The following GSTA4 variants were observed in gnomAD, a reference collection of about 807,000 sequenced individuals.
The protein encoded by GSTA4 is glutathione S-transferase A4.
In GSTA4, 15 loss-of-function variants were observed where a neutral mutation model predicts 24.4. That is an observed-to-expected ratio of 0.61 (90% CI 0.41 to 0.95). The LOEUF (loss-of-function observed/expected upper bound fraction) is 0.95, where lower values mean the gene tolerates loss of function less well. Among genes scored for constraint, GSTA4 ranks in the 40% least tolerant of loss-of-function variants. The pLI is 0.00. For synonymous variants in GSTA4, 92 were observed against 94.2 expected, an observed-to-expected ratio of 0.98 and a Z score of 0.13; for missense variants, 244 against 262.1, an observed-to-expected ratio of 0.93 and a Z score of 0.48.
intron 6 of GSTA4, among the ~76,000 whole-genome samples, chr6:52,981,026 T>A (rs1763442726): frequency 6.6e-6 from 1 of 151,946 alleles, no homozygotes; most frequent in South Asian, 2.1e-4. Flanking sequence ...AAAGAATACT[T>A]CAGGTGAAAA....
intron 3 of GSTA4, among the ~76,000 whole-genome samples, chr6:52,985,875 A>G (rs952240451): frequency 3.3e-5 from 5 of 151,926 alleles, no homozygotes; most frequent in Non-Finnish European, 5.9e-5. Context: ...ACATAGTGAA[A>G]CCCCGCCTCT....
At chr6:52,994,434 G>T in intron 1 of GSTA4, 173 bp from the exon 2 acceptor site, 1 of 547,360 alleles carries the variant, frequency 1.8e-6, no homozygotes, top group Non-Finnish European at 3.3e-6. Context: ...TTTAAAACAT[G>T]GAGAAAAAAA....
chr6:52,987,241 T>A (rs778902704), intron 3 of GSTA4, 116 bp downstream of exon 3: 4 of 684,740 alleles, frequency 5.8e-6, no homozygotes, highest in Non-Finnish European at 1.0e-5. Context: ...CTTTTTTTGG[T>A]TTTAGGATAC....
chr6:52,978,566 G>A lies in GSTA4; in HGVS notation c.573C>T (p.Ile191=). Residue 191 remains isoleucine, a synonymous_variant, in exon 7 of 7, where the codon ATC becomes ATT. Coordinates refer to ENST00000370963, the MANE Select transcript of GSTA4 (RefSeq NM_001512.4). ...GTTCAAGGAATCTCTTAATTGTAGG[G>A]ATATTACTTAGTTTCACTGTGTATT... is the stretch of plus-strand genomic sequence containing the variant. ...LQEYTVKLSN[I]PTIKRFLEPG... The A allele has an allele frequency of 6.2e-7, 1 of 1,610,658 alleles. No homozygotes were observed. Among genetic ancestry groups the A allele is most frequent in the Non-Finnish European group, 8.5e-7 (1 of 1,177,650 alleles).
At chr6:52,978,664 A>G (rs751667844) in intron 6 of GSTA4, 72 bp from the exon 7 acceptor site, 36 of 1,109,990 alleles carry the variant, frequency 3.2e-5, no homozygotes, top group Non-Finnish European at 4.4e-5. Context: ...TGGTTATGCA[A>G]AATGGCCCAC....
rs374703392 is a variant in GSTA4 at position 52,980,107 on chromosome 6, G to C, written c.547-1515C>G. Among the ~76,000 whole-genome samples, 59 of 152,220 alleles carry C rather than the reference G, an allele frequency of 3.9e-4. 2 individuals carry two copies. The South Asian group carries it at 0.012, about 30-fold the overall frequency. ...AGATAATGCTTGGGGCTTAAAAAAGGGTTGTTATTATAGTATCATCAATGT... is the reference window on the plus strand; with the variant it reads ...AGATAATGCTTGGGGCTTAAAAAAGCGTTGTTATTATAGTATCATCAATGT... On this transcript the variant is annotated intron_variant, in intron 6 of 6. Transcript: ENST00000370963.
chr6:52,978,671 C>T, intron 6 of GSTA4, 79 bp from the exon 7 acceptor site: 1 of 1,028,706 alleles, frequency 9.7e-7, no homozygotes, highest in African/African-American at 1.6e-5. Flanking sequence ...GCAAAATGGC[C>T]CACCAAAATT....
chr6:52,978,839 T>C (rs1039692585), intron 6 of GSTA4, among the ~76,000 whole-genome samples: 9 of 152,060 alleles, frequency 5.9e-5, no homozygotes, highest in Non-Finnish European at 1.2e-4. Flanking sequence ...AAATATCTCA[T>C]AATGTTATAA....
At chr6:52,983,479 G>A (rs1763492359) in intron 5 of GSTA4, among the ~76,000 whole-genome samples, 1 of 152,216 alleles carries the variant, frequency 6.6e-6, no homozygotes, top group African/African-American at 2.4e-5. Context: ...TGGAGCCAGA[G>A]TGGCATAGTA....
At chr6:52,990,586 T>A (rs1288610601) in intron 2 of GSTA4, among the ~76,000 whole-genome samples, 1 of 152,204 alleles carries the variant, frequency 6.6e-6, no homozygotes, top group Admixed American at 6.5e-5. Context: ...TTTGTTTAAC[T>A]TATTTAGGGT....
intron 2 of GSTA4, among the ~76,000 whole-genome samples, chr6:52,993,127 A>C (rs1157869111): frequency 6.6e-6 from 1 of 152,226 alleles, no homozygotes; most frequent in Non-Finnish European, 1.5e-5. Flanking sequence ...CATTAGTAGA[A>C]AAAACAGTGA....
At chr6:52,983,118 T>A (rs1316587822) in intron 5 of GSTA4, among the ~76,000 whole-genome samples, 1 of 152,064 alleles carries the variant, frequency 6.6e-6, no homozygotes, top group Non-Finnish European at 1.5e-5. Context: ...ATTTAAGAAA[T>A]CTAAGTGATA....
chr6:52,979,374 C>T (rs1377321375), intron 6 of GSTA4, among the ~76,000 whole-genome samples: 1 of 152,228 alleles, frequency 6.6e-6, no homozygotes, highest in Non-Finnish European at 1.5e-5. Flanking sequence ...AGAGTTTTTA[C>T]TCCTATCAGT....
chr6:52,978,502 CAT>C lies in GSTA4; in HGVS notation c.635_636del (p.Tyr212CysfsTer9). Reference protein sequence around the residue: ...SKKKPPPDEIYVRTVYNIFRP With the variant: ...SKKKPPPDEIXVRTVYNIFRP ...CTAAAGATGTTGTAGACGGTTCTCA[CAT>C]AAATTTCATCAGGGGGAGGCTTCTT... On this transcript the variant is annotated frameshift_variant, in exon 7 of 7. Coordinates refer to ENST00000370963, the MANE Select transcript of GSTA4 (RefSeq NM_001512.4). LOFTEE classifies it high-confidence loss of function. 6.2e-7 allele frequency: 1 copy of C among 1,613,664 alleles called. No homozygotes were observed.
chr6:52,992,826 C>T (rs1184648574), intron 2 of GSTA4, among the ~76,000 whole-genome samples: 1 of 152,142 alleles, frequency 6.6e-6, no homozygotes, highest in Non-Finnish European at 1.5e-5. Context: ...AAGGGCCGGG[C>T]GTGGTGGTTC....
chr6:52,994,725 G>A (rs1334853572), intron 1 of GSTA4, among the ~76,000 whole-genome samples: 1 of 152,190 alleles, frequency 6.6e-6, no homozygotes, highest in Non-Finnish European at 1.5e-5. Context: ...CACGGCAACT[G>A]GAAGGTGAAC....
intron 6 of GSTA4, among the ~76,000 whole-genome samples, chr6:52,981,133 C>T (rs1054725381): frequency 6.6e-6 from 1 of 151,916 alleles, no homozygotes; most frequent in Non-Finnish European, 1.5e-5. Flanking sequence ...AAAATATAAA[C>T]TATAACATAA....
Position 52,995,283 on chromosome 6 carries a change from G to A in GSTA4, c.-53C>T, listed in dbSNP as rs374253891. On this transcript the variant is annotated 5_prime_UTR_variant, in exon 1 of 7. Coordinates refer to ENST00000370963, the MANE Select transcript of GSTA4 (RefSeq NM_001512.4). The stretch of plus-strand genomic sequence containing the variant: ...ACTCGGAGGCCTGGAGCCGCACAAA[G>A]CGCCAGGTCAGCGGTCCCGGCTGGG... 1.8e-4 allele frequency: 27 copies of A among 152,320 alleles called. No homozygotes were observed. The highest frequency in any genetic ancestry group is 6.0e-4 in the African/African-American group (25 of 41,462). 9.4% of individuals were successfully genotyped at this position (152,320 alleles called of 1,614,324 possible). A position where few individuals can be genotyped will look rare whatever the true frequency, so the allele number is the denominator to read the frequency against.
intron 6 of GSTA4, among the ~76,000 whole-genome samples, chr6:52,981,989 C>T (rs1763460594): frequency 6.6e-6 from 1 of 152,164 alleles, no homozygotes; most frequent in Non-Finnish European, 1.5e-5. Flanking sequence ...CTCATTTGCT[C>T]TCAGAGCTCA....
Sources: allele counts gnomAD v4.1 joint callset (sites outside exome capture counted in the v4.1 genomes callset), GRCh38; gene constraint gnomAD v4.1.1; transcripts MANE v1.5; gene names NCBI Gene and HGNC (gene_info 2026-07-23, HGNC 2026-07-21).